The following PTPN4 variants were observed in gnomAD, a reference collection of about 807,000 sequenced individuals.
PTPN4 encodes the protein protein tyrosine phosphatase non-receptor type 4, also known as tyrosine-protein phosphatase non-receptor type 4.
A neutral mutation model predicts 135.5 loss-of-function variants in PTPN4; 49 were observed. The observed-to-expected ratio is 0.36, with a 90% confidence interval of 0.29 to 0.46. The LOEUF is 0.46. Among genes scored for constraint, PTPN4 ranks in the 20% least tolerant of loss-of-function variants. PTPN4 has a pLI of 1.00. For synonymous variants in PTPN4, 333 were observed against 369.9 expected (o/e 0.90, Z 1.14); for missense variants, 860 against 1,101.0 (o/e 0.78, Z 3.10).
At position 119,766,486 on chromosome 2, in the gene PTPN4, G is replaced by C. The variant is rs866815729; in HGVS notation, c.-18+6102G>C. On this transcript the variant is annotated intron_variant, in intron 1 of 26. Transcript: ENST00000263708. ...TGTGTGTGTGTGTGTGTGTGTGTCT[G>C]TGTGTGTGTGTGTGTGTGTGTGTGA... Among the ~76,000 whole-genome samples, 89 of 137,584 alleles carry C rather than the reference G, an allele frequency of 6.5e-4. 1 individual carries two copies. Among genetic ancestry groups the C allele is most frequent in the African/African-American group, 2.6e-3 (87 of 32,920 alleles). The allele number at this position is 137,584 out of a possible 152,430, so 90.3% of individuals were successfully genotyped here. A position where few individuals can be genotyped will look rare whatever the true frequency, so the allele number is the denominator to read the frequency against.
At chr2:119,901,597 A>G (rs1678404823) in intron 10 of PTPN4, among the ~76,000 whole-genome samples, 2 of 152,236 alleles carry the variant, frequency 1.3e-5, no homozygotes, top group Non-Finnish European at 2.9e-5. Context: ...AGACGTGTCG[A>G]AAGGCAGTAA....
At position 119,889,071 on chromosome 2, in the gene PTPN4, C is replaced by T. The variant is rs549151531; in HGVS notation, c.675+3189C>T. Among the ~76,000 whole-genome samples, 6 of 152,190 alleles carry T rather than the reference C, an allele frequency of 3.9e-5. 1 individual carries two copies. The highest frequency in any genetic ancestry group is 1.4e-4 in the African/African-American group (6 of 41,518). On this transcript the variant is annotated intron_variant, in intron 9 of 26. Transcript: ENST00000263708. ...TTCAGTCGTGGTAGGTTATATGTTT[C>T]CAGGAATTCATTTCCTCTAGGTTTC... is the stretch of plus-strand genomic sequence containing the variant.
chr2:119,952,148 A>T lies in PTPN4; in HGVS notation c.1813+19A>T. The T allele has an allele frequency of 6.3e-7, 1 of 1,595,124 alleles. No homozygotes were observed. Among genetic ancestry groups the T allele is most frequent in the Non-Finnish European group, 8.6e-7 (1 of 1,166,114 alleles). On this transcript the variant is annotated intron_variant, in intron 19 of 26. Transcript: ENST00000263708. ...CCTAATGGTGAGTACTCTATGTAGTACCAGATAATTTATAGTAATTTATTA... is the reference window on the plus strand; with the variant it reads ...CCTAATGGTGAGTACTCTATGTAGTTCCAGATAATTTATAGTAATTTATTA...
intron 10 of PTPN4, among the ~76,000 whole-genome samples, chr2:119,913,690 T>C (rs1678606100): frequency 6.6e-6 from 1 of 152,116 alleles, no homozygotes. Flanking sequence ...TTGTAAAACC[T>C]CTGATGTCAA....
chr2:119,969,923 T>G (rs1163648230), intron 26 of PTPN4, among the ~76,000 whole-genome samples: 2 of 152,192 alleles, frequency 1.3e-5, no homozygotes, highest in Non-Finnish European at 2.9e-5. Flanking sequence ...AAAACCGTCT[T>G]TTTAAATTTT....
chr2:119,784,712 T>A (rs1360543841), intron 1 of PTPN4, among the ~76,000 whole-genome samples: 1 of 147,704 alleles, frequency 6.8e-6, no homozygotes, highest in Non-Finnish European at 1.5e-5. Context: ...TTTTTTTTTT[T>A]TTTTTTGTAG....
chr2:119,972,805 A>T (rs1574427808), intron 26 of PTPN4, among the ~76,000 whole-genome samples: 1 of 152,162 alleles, frequency 6.6e-6, no homozygotes, highest in East Asian at 1.9e-4. Context: ...TGCATCTGAG[A>T]TATCATGTGG....
At chr2:119,785,214 G>GTTT (rs760116146) in intron 1 of PTPN4, among the ~76,000 whole-genome samples, 5 of 152,132 alleles carry the variant, frequency 3.3e-5, no homozygotes, top group Non-Finnish European at 7.3e-5. Context: ...ACTTGCCCCT[G>GTTT]TTTGAGAACC....
chr2:119,766,655 A>T (rs1690636647), intron 1 of PTPN4, among the ~76,000 whole-genome samples: 1 of 152,134 alleles, frequency 6.6e-6, no homozygotes, highest in African/African-American at 2.4e-5. Context: ...TTGAAAGGTA[A>T]CTCCTGACTT....
chr2:119,766,533 C>T lies in PTPN4; in HGVS notation c.-18+6149C>T, dbSNP rs377022686. Among the ~76,000 whole-genome samples the T allele has an allele frequency of 3.6e-4, 54 of 150,666 alleles. 2 individuals are homozygous for T. In the South Asian group the frequency reaches 0.01, roughly 29 times the overall value. ...GTGAAATATCTCTTTGGTGCCCTTG[C>T]GTTACTGGTGCCCTAAACATGCATT... On this transcript the variant is annotated intron_variant, in intron 1 of 26. Transcript: ENST00000263708.
intron 1 of PTPN4, among the ~76,000 whole-genome samples, chr2:119,768,462 C>T (rs1269752403): frequency 6.6e-6 from 1 of 152,178 alleles, no homozygotes; most frequent in African/African-American, 2.4e-5. Flanking sequence ...CTAGGAAATA[C>T]ATATATGTAT....
chr2:119,980,185 A>C lies in PTPN4; in HGVS notation c.*3115A>C, dbSNP rs909346267. On this transcript the variant is annotated 3_prime_UTR_variant, in exon 27 of 27. Coordinates refer to ENST00000263708, the MANE Select transcript of PTPN4 (RefSeq NM_002830.4). ...CATGAAATCTGACTTCAGTTGTGCAAAGGTATGTTAAGACATTAAGACAAT... is the reference window on the plus strand; with the variant it reads ...CATGAAATCTGACTTCAGTTGTGCACAGGTATGTTAAGACATTAAGACAAT... The C allele has an allele frequency of 6.6e-6, 1 of 152,054 alleles. No homozygotes were observed. Among genetic ancestry groups the C allele is most frequent in the African/African-American group, 2.4e-5 (1 of 41,442 alleles). 9.4% of individuals were successfully genotyped at this position (152,054 alleles called of 1,614,324 possible).
chr2:119,856,831 C>T (rs1174585066), intron 2 of PTPN4, among the ~76,000 whole-genome samples: 1 of 152,142 alleles, frequency 6.6e-6, no homozygotes, highest in Non-Finnish European at 1.5e-5. Context: ...ATATTGTACC[C>T]TGAGGGTGCT....
At chr2:119,871,320 T>C (rs937782189) in intron 3 of PTPN4, among the ~76,000 whole-genome samples, 1 of 151,900 alleles carries the variant, frequency 6.6e-6, no homozygotes, top group African/African-American at 2.4e-5. Context: ...AAAATTATTG[T>C]ATGGAAGAAT....
intron 18 of PTPN4, among the ~76,000 whole-genome samples, chr2:119,948,972 ATTTC>A (rs944637518): frequency 2.0e-5 from 3 of 152,150 alleles, no homozygotes; most frequent in Admixed American, 1.3e-4. Context: ...GATAATACAC[ATTTC>A]TTTATTTACA....
At chr2:119,886,392 T>A (rs2105005464) in intron 9 of PTPN4, among the ~76,000 whole-genome samples, 1 of 152,314 alleles carries the variant, frequency 6.6e-6, no homozygotes, top group Admixed American at 6.5e-5. Context: ...TTTTCTATAT[T>A]ATACCGTGTG....
intron 9 of PTPN4, among the ~76,000 whole-genome samples, chr2:119,897,819 A>G (rs990379222): frequency 1.3e-5 from 2 of 152,210 alleles, no homozygotes; most frequent in African/African-American, 4.8e-5. Flanking sequence ...TAGTAATATG[A>G]CTGGCTAAGT....
At chr2:119,808,432 AACAG>A (rs765702435) in intron 1 of PTPN4, among the ~76,000 whole-genome samples, 18 of 152,314 alleles carry the variant, frequency 1.2e-4, no homozygotes, top group Admixed American at 7.8e-4. Flanking sequence ...ATACACCAAT[AACAG>A]ACAGAGAGCC....
chr2:119,936,361 C>T (rs1015871649), intron 15 of PTPN4, among the ~76,000 whole-genome samples: 13 of 152,168 alleles, frequency 8.5e-5, no homozygotes, highest in African/African-American at 3.1e-4. Flanking sequence ...TGGTTTGGCT[C>T]TGTGTCCTCA....
Sources: gnomAD v4.1 joint callset for allele counts (sites outside exome capture counted in the v4.1 genomes callset) on GRCh38, gnomAD v4.1.1 for gene constraint, MANE v1.5 for transcripts, NCBI Gene and HGNC (gene_info 2026-07-23, HGNC 2026-07-21) for gene names.